Variants in NEDD4L observed in about 807,000 individuals in gnomAD.
NEDD4L encodes E3 ubiquitin-protein ligase NEDD4-like.
NEDD4L carries 54 observed loss-of-function variants against 148.9 expected under a neutral mutation model. That is an observed-to-expected ratio of 0.36 (90% CI 0.29 to 0.45). NEDD4L has a LOEUF of 0.45. Ranked by LOEUF, NEDD4L falls within the 20% of genes least tolerant of loss-of-function variation. The pLI is 1.00. For synonymous variants in NEDD4L, 433 were observed against 440.7 expected (o/e 0.98, Z 0.22); for missense variants, 856 against 1,233.8 (o/e 0.69, Z 4.59).
intron 1 of NEDD4L, among the ~76,000 whole-genome samples, chr18:58,113,142 A>G (rs898895138): frequency 2.6e-5 from 4 of 152,246 alleles, no homozygotes; most frequent in Non-Finnish European, 4.4e-5. Context: ...AGTCTGTGAT[A>G]GTTTGTTAGA....
At chr18:58,333,580 C>T (rs2041316317) in intron 11 of NEDD4L, among the ~76,000 whole-genome samples, 1 of 152,162 alleles carries the variant, frequency 6.6e-6, no homozygotes, top group Admixed American at 6.5e-5. Flanking sequence ...TTGGTCTCCT[C>T]TTACTTTTGC....
At chr18:58,105,677 G>T (rs1408307244) in intron 1 of NEDD4L, among the ~76,000 whole-genome samples, 4 of 152,082 alleles carry the variant, frequency 2.6e-5, no homozygotes, top group Admixed American at 6.6e-5. Flanking sequence ...AGGTGGTATG[G>T]CTCATGGTCT....
At chr18:58,100,680 C>A (rs1252839008) in intron 1 of NEDD4L, among the ~76,000 whole-genome samples, 1 of 152,132 alleles carries the variant, frequency 6.6e-6, no homozygotes, top group Non-Finnish European at 1.5e-5. Context: ...AACAAACAAA[C>A]CTGCAAAACC....
At chr18:58,367,675 G>A in intron 21 of NEDD4L, 71 bp from the exon 22 acceptor site, 1 of 1,559,768 alleles carries the variant, frequency 6.4e-7, no homozygotes, top group South Asian at 1.1e-5. Context: ...TGAGTGACAG[G>A]TGGCAAACAA....
intron 5 of NEDD4L, among the ~76,000 whole-genome samples, chr18:58,299,830 G>A (rs1459546131): frequency 6.6e-6 from 1 of 152,062 alleles, no homozygotes; most frequent in Non-Finnish European, 1.5e-5. Context: ...TCTCAAGATG[G>A]TATCCAAAGT....
chr18:58,339,465 G>A (rs1041563304), intron 13 of NEDD4L, among the ~76,000 whole-genome samples: 4 of 152,172 alleles, frequency 2.6e-5, no homozygotes, highest in Admixed American at 2.6e-4. Flanking sequence ...TAATATTCAT[G>A]AAAGGATTAA....
intron 1 of NEDD4L, among the ~76,000 whole-genome samples, chr18:58,058,890 C>T (rs1443688630): frequency 6.6e-6 from 1 of 152,180 alleles, no homozygotes; most frequent in South Asian, 2.1e-4. Context: ...TTAGGCACCT[C>T]TTCAGAGCCA....
At chr18:58,350,108 A>G (rs1005728176) in intron 17 of NEDD4L, among the ~76,000 whole-genome samples, 5 of 152,176 alleles carry the variant, frequency 3.3e-5, no homozygotes, top group African/African-American at 1.2e-4. Context: ...CTATATACTT[A>G]AAATTGGATT....
chr18:58,213,795 G>C (rs1461702036), intron 2 of NEDD4L, among the ~76,000 whole-genome samples: 1 of 152,132 alleles, frequency 6.6e-6, no homozygotes, highest in East Asian at 1.9e-4. Flanking sequence ...GTTTTGCTGT[G>C]CTGATATCCT....
At chr18:58,125,367 G>A (rs1338051789) in intron 1 of NEDD4L, among the ~76,000 whole-genome samples, 1 of 151,784 alleles carries the variant, frequency 6.6e-6, no homozygotes, top group Non-Finnish European at 1.5e-5. Flanking sequence ...GGGTGTGTGT[G>A]TGTGTGTGTG....
chr18:58,092,891 C>T (rs149100806), intron 1 of NEDD4L, among the ~76,000 whole-genome samples: 13,864 of 145,280 alleles, frequency 0.095, 834 homozygotes, highest in Admixed American at 0.15. Context: ...GATGGAGTCT[C>T]GCTCTGTCCC....
intron 5 of NEDD4L, among the ~76,000 whole-genome samples, chr18:58,276,246 T>G (rs1358820022): frequency 2.2e-5 from 3 of 135,518 alleles, no homozygotes; most frequent in Admixed American, 7.6e-5. Flanking sequence ...TGAGACGGAG[T>G]CTCACTCTGT....
At chr18:58,180,933 C>T (rs1272137203) in intron 2 of NEDD4L, among the ~76,000 whole-genome samples, 1 of 152,182 alleles carries the variant, frequency 6.6e-6, no homozygotes, top group Non-Finnish European at 1.5e-5. Flanking sequence ...GGGGTTACAG[C>T]ACCCTCTGGT....
intron 2 of NEDD4L, among the ~76,000 whole-genome samples, chr18:58,190,412 A>AT (rs2147169577): frequency 6.6e-6 from 1 of 152,364 alleles, no homozygotes; most frequent in Non-Finnish European, 1.5e-5. Flanking sequence ...GATGTTACAG[A>AT]TAAGTATTTA....
chr18:58,060,217 G>A (rs888523156), intron 1 of NEDD4L, among the ~76,000 whole-genome samples: 7 of 152,172 alleles, frequency 4.6e-5, no homozygotes, highest in African/African-American at 1.7e-4. Flanking sequence ...GTGGCTGGAT[G>A]TGAACAGCTT....
intron 5 of NEDD4L, among the ~76,000 whole-genome samples, chr18:58,277,945 A>G (rs1004768999): frequency 3.3e-5 from 5 of 152,188 alleles, no homozygotes; most frequent in African/African-American, 1.2e-4. Flanking sequence ...AGGGATTCCA[A>G]CACAGGGTGT....
At chr18:58,345,906 A>G (rs74865761) in intron 16 of NEDD4L, among the ~76,000 whole-genome samples, 1 of 139,192 alleles carries the variant, frequency 7.2e-6, no homozygotes. Context: ...CACACCAGCT[A>G]ATTTTTGTTG....
chr18:58,048,490 C>A (rs1418562170), intron 1 of NEDD4L, among the ~76,000 whole-genome samples: 2 of 152,158 alleles, frequency 1.3e-5, no homozygotes, highest in Non-Finnish European at 2.9e-5. Flanking sequence ...ACGTGACCTG[C>A]ATAAGGACAC....
chr18:58,207,525 C>T (rs371948081), intron 2 of NEDD4L, among the ~76,000 whole-genome samples: 1 of 152,060 alleles, frequency 6.6e-6, no homozygotes, highest in Non-Finnish European at 1.5e-5. Flanking sequence ...TATGAAGGTA[C>T]TTGGGCTGGT....
Sources: gnomAD v4.1 joint callset for allele counts (sites outside exome capture counted in the v4.1 genomes callset) on GRCh38, gnomAD v4.1.1 for gene constraint, MANE v1.5 for transcripts, NCBI Gene and HGNC (gene_info 2026-07-23, HGNC 2026-07-21) for gene names.